The following FSAF1 variants were observed in gnomAD, a reference collection of about 807,000 sequenced individuals.
The protein encoded by FSAF1 is uncharacterized protein C1orf131.
At chr1:231,226,158 T>C in the FSAF1 span, among the ~76,000 whole-genome samples, 1 of 152,094 alleles carries the variant, frequency 6.6e-6, no homozygotes, top group East Asian at 1.9e-4. Flanking sequence ...TGGGAGGTGT[T>C]TGGGTCATGG....
the FSAF1 span, among the ~76,000 whole-genome samples, chr1:231,228,917 A>G: frequency 6.6e-6 from 1 of 152,212 alleles, no homozygotes; most frequent in Non-Finnish European, 1.5e-5. Flanking sequence ...TGAACCCAAG[A>G]GGCAGAGGTT....
chr1:231,240,927 T>C, the FSAF1 span: 1 of 1,062,752 alleles, frequency 9.4e-7, no homozygotes, highest in South Asian at 1.3e-5. This position sits in a 1 kb window ranked among gnomAD's most constrained non-coding sequence, Gnocchi z 4.1. Context: ...CAAGAACCTT[T>C]AGCCTCAAAG....
the FSAF1 span, chr1:231,225,614 G>A: frequency 8.9e-7 from 1 of 1,124,104 alleles, no homozygotes; most frequent in Admixed American, 1.8e-5. Context: ...AAGTCATTGA[G>A]ATACCATTTT....
At chr1:231,239,701 A>G in the FSAF1 span, among the ~76,000 whole-genome samples, 1 of 152,372 alleles carries the variant, frequency 6.6e-6, no homozygotes, top group South Asian at 2.1e-4. Context: ...CAGTCACCTG[A>G]AAGTTCTAAC....
chr1:231,236,606 T>C, the FSAF1 span: 1 of 152,158 alleles, frequency 6.6e-6, no homozygotes, highest in African/African-American at 2.4e-5. Context: ...TTCTGTCTTT[T>C]CTATTAAAAA....
chr1:231,230,648 G>A, the FSAF1 span, among the ~76,000 whole-genome samples: 2 of 152,126 alleles, frequency 1.3e-5, no homozygotes, highest in Admixed American at 1.3e-4. Context: ...CTCCAAACGG[G>A]AGCTGTGCTT....
the FSAF1 span, among the ~76,000 whole-genome samples, chr1:231,235,026 T>C: frequency 6.6e-6 from 1 of 152,220 alleles, no homozygotes; most frequent in Non-Finnish European, 1.5e-5. Context: ...ATTATATTGC[T>C]CAACTCCAAA....
At chr1:231,235,680 A>G in the FSAF1 span, among the ~76,000 whole-genome samples, 1 of 152,042 alleles carries the variant, frequency 6.6e-6, no homozygotes, top group Non-Finnish European at 1.5e-5. Flanking sequence ...GGTGTGCCCT[A>G]TAGTCTTAGC....
chr1:231,225,192 C>G, the FSAF1 span: 12 of 514,498 alleles, frequency 2.3e-5, 1 homozygote, highest in South Asian at 3.3e-4. Context: ...TAGCAGCACT[C>G]TTAGAAGTCT....
At chr1:231,234,520 C>G in the FSAF1 span, among the ~76,000 whole-genome samples, 4 of 152,230 alleles carry the variant, frequency 2.6e-5, no homozygotes, top group African/African-American at 9.6e-5. This position sits in a 1 kb window ranked among gnomAD's most constrained non-coding sequence, Gnocchi z 4.0. Context: ...TATTTTGAAC[C>G]TGGACCACTG....
At chr1:231,239,203 A>G in the FSAF1 span, 25 of 1,524,956 alleles carry the variant, frequency 1.6e-5, no homozygotes, top group Middle Eastern at 1.8e-4. Context: ...TTGTTCAAAC[A>G]CAAGAAGGAA....
the FSAF1 span, chr1:231,224,687 A>C: frequency 2.6e-6 from 1 of 384,988 alleles, no homozygotes; most frequent in Non-Finnish European, 4.6e-6. Flanking sequence ...CTCCGATGTC[A>C]CCTCCTCAGA....
At chr1:231,235,902 C>T in the FSAF1 span, among the ~76,000 whole-genome samples, 4 of 152,194 alleles carry the variant, frequency 2.6e-5, 1 homozygote, top group Admixed American at 1.3e-4. Flanking sequence ...GAATTTATAG[C>T]ACAAGTTCTG....
the FSAF1 span, among the ~76,000 whole-genome samples, chr1:231,231,962 A>AGAT: frequency 1.3e-5 from 2 of 152,124 alleles, no homozygotes; most frequent in African/African-American, 2.4e-5. Flanking sequence ...CACCAGAAAC[A>AGAT]TCTTAGTTTT....
chr1:231,234,304 T>C, the FSAF1 span, among the ~76,000 whole-genome samples: 1 of 152,204 alleles, frequency 6.6e-6, no homozygotes, highest in Admixed American at 6.5e-5. The surrounding 1 kb of genome is among the most constrained non-coding windows in gnomAD (Gnocchi z 4.0). Context: ...CAGTGAATGA[T>C]TCACGTTAAG....
At chr1:231,236,644 C>G in the FSAF1 span, 1 of 152,086 alleles carries the variant, frequency 6.6e-6, no homozygotes, top group Non-Finnish European at 1.5e-5. Flanking sequence ...GAAAAAAGAA[C>G]ATGAGGGAAT....
At chr1:231,236,372 T>TA in the FSAF1 span, among the ~76,000 whole-genome samples, 58 of 148,728 alleles carry the variant, frequency 3.9e-4, no homozygotes, top group African/African-American at 9.6e-4. Flanking sequence ...AGGACACATT[T>TA]AAAAAAAAAA....
the FSAF1 span, chr1:231,225,301 T>C: frequency 4.4e-5 from 27 of 614,862 alleles, no homozygotes; most frequent in Non-Finnish European, 7.3e-5. Context: ...TCTCAGGCAG[T>C]TGTTTGATCT....
At chr1:231,231,496 T>G in the FSAF1 span, among the ~76,000 whole-genome samples, 1 of 152,284 alleles carries the variant, frequency 6.6e-6, no homozygotes, top group South Asian at 2.1e-4. Context: ...GTCTCTAAGT[T>G]GAACATTTCT....
Sources: gnomAD v4.1 joint callset for allele counts (sites outside exome capture counted in the v4.1 genomes callset) on GRCh38, gnomAD v4.1.1 for gene constraint, Gnocchi (gnomAD v3.1) non-coding constraint, MANE v1.5 for transcripts, NCBI Gene and HGNC (gene_info 2026-07-23, HGNC 2026-07-21) for gene names.